Variants in CHAT observed in about 807,000 individuals in gnomAD.
The protein encoded by CHAT is acetyl CoA:choline O-acetyltransferase.
Under a neutral mutation model 76.9 loss-of-function variants are expected in CHAT, and 61 were observed. The observed-to-expected ratio is 0.79, with a 90% confidence interval of 0.65 to 0.98. CHAT has a LOEUF of 0.98. Among genes scored for constraint, CHAT ranks in the 50% least tolerant of loss-of-function variants. The pLI is 0.00. For missense variants in CHAT, 946 were observed against 986.9 expected (o/e 0.96, Z 0.56); for synonymous variants, 407 against 397.4 (o/e 1.02, Z -0.29).
intron 7 of CHAT, among the ~76,000 whole-genome samples, chr10:49,643,448 C>G (rs1480516690): frequency 6.6e-6 from 1 of 152,192 alleles, no homozygotes; most frequent in African/African-American, 2.4e-5. Flanking sequence ...GAACCTGACC[C>G]AGACCTGGCC....
rs1251257878 is a variant in CHAT, at chr10:49,666,914, A to C, written c.*1868A>C. 5.3e-5 allele frequency among the ~76,000 whole-genome samples: 8 copies of C among 152,210 alleles called. No homozygotes were observed. Among genetic ancestry groups the C allele is most frequent in the Non-Finnish European group, 8.8e-5 (6 of 68,038 alleles). On this transcript the variant is annotated 3_prime_UTR_variant, in exon 15 of 15. Transcript: ENST00000337653. The stretch of plus-strand genomic sequence containing the variant: ...TTGTCTGTTCTCTCCAAGTGACCAC[A>C]GTGCAGATCTGAGTTCTCCTCCGGT...
intron 7 of CHAT, among the ~76,000 whole-genome samples, chr10:49,641,517 G>A (rs1314705394): frequency 6.6e-6 from 1 of 152,190 alleles, no homozygotes; most frequent in African/African-American, 2.4e-5. Context: ...TTGCAAGAGT[G>A]AGAAATACTT....
chr10:49,613,890 A>G (rs572767763), upstream of CHAT: 1 of 512,392 alleles, frequency 2.0e-6, no homozygotes, highest in Non-Finnish European at 3.5e-6. Context: ...TTATTTTGAA[A>G]GATGGTGTAG....
At chr10:49,642,174 T>C (rs973499663) in intron 7 of CHAT, among the ~76,000 whole-genome samples, 3 of 152,224 alleles carry the variant, frequency 2.0e-5, no homozygotes, top group East Asian at 3.9e-4. Context: ...ATGTGCTCGA[T>C]GAGGATGCCA....
At chr10:49,610,739 GCATGGAATCCGCGGAA>G (rs1415519623), upstream of CHAT, 1 of 1,512,338 alleles carries the variant, frequency 6.6e-7, no homozygotes, top group Non-Finnish European at 8.8e-7. Flanking sequence ...CGGGGTGGGG[GCATGGAATCCGCGGAA>G]CCTGCGGGCC....
intron 6 of CHAT, among the ~76,000 whole-genome samples, chr10:49,627,178 G>T (rs557453711): frequency 6.6e-6 from 1 of 152,208 alleles, no homozygotes; most frequent in Non-Finnish European, 1.5e-5. Flanking sequence ...AAACAAGGCC[G>T]AGAGGCACAT....
intron 7 of CHAT, among the ~76,000 whole-genome samples, chr10:49,639,682 A>G (rs1405545811): frequency 6.6e-6 from 1 of 151,872 alleles, no homozygotes; most frequent in African/African-American, 2.4e-5. Flanking sequence ...TGACTATGAT[A>G]TGTTTTGGTG....
chr10:49,646,367 G>A (rs1839661852), intron 7 of CHAT, 138 bp from the exon 8 acceptor site: 3 of 1,067,086 alleles, frequency 2.8e-6, no homozygotes, highest in East Asian at 2.4e-5. Flanking sequence ...GGCAAGGTGG[G>A]GGGTCAGGGC....
intron 13 of CHAT, among the ~76,000 whole-genome samples, chr10:49,659,205 G>A (rs1441347359): frequency 6.6e-6 from 1 of 152,214 alleles, no homozygotes; most frequent in Non-Finnish European, 1.5e-5. Flanking sequence ...CTGAGAGAAA[G>A]TGACCTTCAA....
At chr10:49,611,134 G>T (rs1838283328), upstream of CHAT, 3 of 1,614,150 alleles carry the variant, frequency 1.9e-6, no homozygotes, top group Non-Finnish European at 1.7e-6. Context: ...TGCTTCCAAG[G>T]CTATCCTGCA....
intron 2 of CHAT, among the ~76,000 whole-genome samples, chr10:49,619,180 T>A (rs1252567974): frequency 6.6e-6 from 1 of 152,196 alleles, no homozygotes; most frequent in Non-Finnish European, 1.5e-5. Context: ...AATCTCTCCC[T>A]AAGAGTGCCC....
In CHAT at chr10:49,619,580, T is replaced by G. The variant is rs1838621856; in HGVS notation, c.388-145T>G. On this transcript the variant is annotated intron_variant, in intron 2 of 14. Coordinates refer to ENST00000337653, the MANE Select transcript of CHAT (RefSeq NM_020549.5). ...ACAGGAACTTCCTAAATTCATAATT[T>G]TGCTGAGCTGAGCCCTAGAAATGGA... 3.9e-6 allele frequency: 3 copies of G among 764,718 alleles called. No homozygotes were observed. In the Admixed American group the frequency reaches 6.3e-5, roughly 16 times the overall value. 47.4% of individuals were successfully genotyped at this position (764,718 alleles called of 1,614,324 possible).
At chr10:49,654,473 A>G (rs769755033) in intron 11 of CHAT, among the ~76,000 whole-genome samples, 7 of 152,262 alleles carry the variant, frequency 4.6e-5, no homozygotes, top group Non-Finnish European at 8.8e-5. Flanking sequence ...GTGCAAGCCC[A>G]GGGACGCTGG....
At chr10:49,609,802 C>T (rs891474380), upstream of CHAT, among the ~76,000 whole-genome samples, 28 of 152,272 alleles carry the variant, frequency 1.8e-4, no homozygotes, top group African/African-American at 5.5e-4. Context: ...CAGCGCTCCT[C>T]CGGACGCGGC....
chr10:49,628,679 G>C (rs973808078), intron 7 of CHAT, among the ~76,000 whole-genome samples: 3 of 152,226 alleles, frequency 2.0e-5, no homozygotes, highest in African/African-American at 4.8e-5. Flanking sequence ...ACTTCAGAGA[G>C]GGGACGGAGC....
At chr10:49,613,820 G>T (rs1838369048), upstream of CHAT, among the ~76,000 whole-genome samples, 1 of 152,176 alleles carries the variant, frequency 6.6e-6, no homozygotes, top group African/African-American at 2.4e-5. Context: ...GCAGGAATGG[G>T]ATGGTAACAG....
chr10:49,644,244 G>T (rs1011429550), intron 7 of CHAT, among the ~76,000 whole-genome samples: 1 of 152,208 alleles, frequency 6.6e-6, no homozygotes, highest in Non-Finnish European at 1.5e-5. Flanking sequence ...ATGTCCACAG[G>T]ATCAGGGAGG....
In CHAT at chr10:49,662,804, G is replaced by A. The variant is rs201932046; in HGVS notation, c.1977+22G>A. The A allele has an allele frequency of 4.6e-5, 74 of 1,614,136 alleles. No homozygotes were observed. The African/African-American group carries it at 6.8e-4, about 15-fold the overall frequency. ...CCAGGTACGGCCCCGTGCAGCTATC[G>A]CCCAAGAGTAGTGTAGTCAGTAAGC... On this transcript the variant is annotated intron_variant, in intron 14 of 14. Coordinates refer to ENST00000337653, the MANE Select transcript of CHAT (RefSeq NM_020549.5).
At chr10:49,652,474 C>G (rs1401179626) in intron 11 of CHAT, among the ~76,000 whole-genome samples, 1 of 152,112 alleles carries the variant, frequency 6.6e-6, no homozygotes. Flanking sequence ...TTCTCGTATC[C>G]CCGCACACTG....
Sources: allele counts gnomAD v4.1 joint callset (sites outside exome capture counted in the v4.1 genomes callset), GRCh38; gene constraint gnomAD v4.1.1; transcripts MANE v1.5; gene names NCBI Gene and HGNC (gene_info 2026-07-23, HGNC 2026-07-21).